BAD: variants seen among roughly 807,000 people sequenced by gnomAD.
The protein encoded by BAD is bcl2-associated agonist of cell death.
A neutral mutation model predicts 17.8 loss-of-function variants in BAD; 18 were observed. The ratio of observed to expected loss-of-function variants is 1.01; its 90% CI spans 0.70 to 1.50. The LOEUF (loss-of-function observed/expected upper bound fraction) is 1.50, where lower values mean the gene tolerates loss of function less well. BAD is among the 40% of genes most tolerant of loss of function. The pLI, the probability that BAD is intolerant of heterozygous loss-of-function variation, is 0.00. For synonymous variants in BAD, 112 were observed against 91.5 expected (o/e 1.22, Z -1.28); for missense variants, 294 against 239.3 (o/e 1.23, Z -1.51).
intron 2 of BAD, among the ~76,000 whole-genome samples, chr11:64,273,038 C>T (rs2032756643): frequency 6.6e-6 from 1 of 152,092 alleles, no homozygotes; most frequent in Middle Eastern, 3.2e-3. Flanking sequence ...CCAGCCTAGG[C>T]AACATTGCAA....
intron 2 of BAD, among the ~76,000 whole-genome samples, chr11:64,283,652 G>A (rs1844669782): frequency 6.6e-6 from 1 of 152,222 alleles, no homozygotes; most frequent in South Asian, 2.1e-4. Flanking sequence ...GTAGCCTGGG[G>A]CAGGGCACCA....
rs1565342778 is a variant in BAD, at chr11:64,270,004, T to C, written c.*205A>G. The C allele has an allele frequency of 9.1e-6, 9 of 984,050 alleles. No homozygotes were observed. The highest frequency in any genetic ancestry group is 2.6e-5 in the East Asian group (1 of 38,356). 61.0% of individuals were successfully genotyped at this position (984,050 alleles called of 1,614,324 possible). A position where few individuals can be genotyped will look rare whatever the true frequency, so the allele number is the denominator to read the frequency against. On this transcript the variant is annotated 3_prime_UTR_variant, in exon 4 of 4. Coordinates refer to ENST00000309032, the MANE Select transcript of BAD (RefSeq NM_032989.3). ...GCCACGGAGCCACTTCCGGCGGCTG[T>C]GGGCGGAAAACCCAAAACTTCCGAT...
intron 2 of BAD, chr11:64,276,713 GGGGCAGGGCCTGGGCCAGA>G: frequency 1.8e-6 from 1 of 559,756 alleles, no homozygotes; most frequent in Non-Finnish European, 3.2e-6. Context: ...GGAGAGGGCT[GGGGCAGGGCCTGGGCCAGA>G]CTCTCCCTTC....
rs1285138852 is a variant in BAD, at chr11:64,274,844, G to T, written c.188-3041C>A. ...TCAAAAAAAAAAAGAAACTAGCCAG[G>T]CATGGTGGTGTGGGCCTGTAGTCCC... On this transcript the variant is annotated intron_variant, in intron 2 of 3. Coordinates refer to ENST00000309032, the MANE Select transcript of BAD (RefSeq NM_032989.3). Among the ~76,000 whole-genome samples, 3 of 151,660 alleles carry T rather than the reference G, an allele frequency of 2.0e-5. No individual in the cohort carries two copies. The East Asian group carries it at 5.8e-4, about 29-fold the overall frequency.
At chr11:64,283,939 C>T (rs912253735) in intron 2 of BAD, among the ~76,000 whole-genome samples, 5 of 152,200 alleles carry the variant, frequency 3.3e-5, no homozygotes, top group African/African-American at 1.2e-4. Flanking sequence ...CCGGCAGCAA[C>T]CATTTTTTAG....
Position 64,284,338 on chromosome 11 carries a change from C to T in BAD, c.31G>A (p.Glu11Lys), listed in dbSNP as rs1298135429. MFQIPEFEPS[E>K]QEDSSSAERG... ...TCTGCAGAGCTGGAGTCTTCCTGCT[C>T]ACTCGGCTCAAACTCTGGGATCTGG... Residue 11 changes from glutamate (E) to lysine (K), a missense_variant, in exon 2 of 4, where the codon GAG becomes AAG. Transcript: ENST00000309032. 4.3e-6 allele frequency: 7 copies of T among 1,612,992 alleles called. No individual in the cohort carries two copies. The highest frequency in any genetic ancestry group is 5.9e-6 in the Non-Finnish European group (7 of 1,179,970).
intron 2 of BAD, among the ~76,000 whole-genome samples, chr11:64,273,685 G>A (rs1228773436): frequency 6.6e-6 from 1 of 151,598 alleles, no homozygotes; most frequent in Admixed American, 6.6e-5. Context: ...TTTAAGACCA[G>A]ACTGACCAAG....
At chr11:64,279,212 C>T (rs2033263920) in intron 2 of BAD, among the ~76,000 whole-genome samples, 1 of 152,176 alleles carries the variant, frequency 6.6e-6, no homozygotes, top group African/African-American at 2.4e-5. Context: ...ATAACTCCAT[C>T]CCAAGCTTCC....
intron 2 of BAD, among the ~76,000 whole-genome samples, chr11:64,281,194 C>G (rs914035653): frequency 6.6e-6 from 1 of 152,078 alleles, no homozygotes; most frequent in Non-Finnish European, 1.5e-5. Flanking sequence ...TCTCTATCTC[C>G]TGACCTCATG....
intron 2 of BAD, chr11:64,276,319 T>TAC (rs1565347828): frequency 6.6e-6 from 1 of 152,076 alleles, no homozygotes; most frequent in Non-Finnish European, 1.5e-5. Context: ...TGTGTGTATA[T>TAC]ATATATATAT....
At chr11:64,271,381 TCACACA>T (rs58303026) in intron 3 of BAD, among the ~76,000 whole-genome samples, 14 of 60,200 alleles carry the variant, frequency 2.3e-4, no homozygotes, top group Non-Finnish European at 3.3e-4. Flanking sequence ...GCCCTGTGAC[TCACACA>T]CACACACACA....
intron 2 of BAD, chr11:64,275,778 G>C (rs1232199549): frequency 6.6e-6 from 1 of 151,974 alleles, no homozygotes; most frequent in Non-Finnish European, 1.5e-5. Context: ...CTTGCACCCA[G>C]GCACTTGGCC....
At chr11:64,272,729 T>G (rs1031237062) in intron 2 of BAD, 1 of 152,242 alleles carries the variant, frequency 6.6e-6, no homozygotes, top group Non-Finnish European at 1.5e-5. Context: ...CCAGTTTCTG[T>G]GAAGCTGTGG....
chr11:64,279,149 C>T (rs1164432846), intron 2 of BAD, among the ~76,000 whole-genome samples: 10 of 152,250 alleles, frequency 6.6e-5, no homozygotes, highest in African/African-American at 2.4e-4. Flanking sequence ...TCTTGTCCCA[C>T]TCTCCCCTCA....
chr11:64,270,831 G>A (rs192963740), intron 3 of BAD, among the ~76,000 whole-genome samples: 1 of 152,074 alleles, frequency 6.6e-6, no homozygotes, highest in African/African-American at 2.4e-5. Context: ...GGTCTTCCAA[G>A]AATTCGGGGA....
chr11:64,270,941 T>G (rs1317980515), intron 3 of BAD, among the ~76,000 whole-genome samples: 1 of 67,510 alleles, frequency 1.5e-5, no homozygotes, highest in Non-Finnish European at 2.9e-5. Flanking sequence ...ACGCCTGGAG[T>G]GGGATCTAGA....
At chr11:64,284,129 C>A in intron 2 of BAD, 53 bp downstream of exon 2, 1 of 1,512,810 alleles carries the variant, frequency 6.6e-7, no homozygotes, top group East Asian at 2.3e-5. Flanking sequence ...ATGCAGGGAG[C>A]CAGTGGGCTG....
chr11:64,271,718 G>A lies in BAD; in HGVS notation c.273C>T (p.Ser91=). 6.8e-7 allele frequency: 1 copy of A among 1,461,124 alleles called. No homozygotes were observed. The highest frequency in any genetic ancestry group is 9.0e-7 in the Non-Finnish European group (1 of 1,106,954). The allele number at this position is 1,461,124 out of a possible 1,614,324, so 90.5% of individuals were successfully genotyped here. Residue 91 remains serine, a synonymous_variant, in exon 3 of 4, where the codon AGC becomes AGT. Transcript: ENST00000309032. The stretch of plus-strand genomic sequence containing the variant: ...CCGAGCGCGAGCGGCCCCGAAAGGG[G>A]CTGGGCTCCTCCCCCATCCCTTCGT... ...EDDEGMGEEP[S]PFRGRSRSAP...
Position 64,271,728 on chromosome 11 carries a change from TC to T in BAD, c.262del (p.Glu88ArgfsTer30). 1 of 1,445,164 alleles carries T rather than the reference TC, an allele frequency of 6.9e-7. No homozygotes were observed. 89.5% of individuals were successfully genotyped at this position (1,445,164 alleles called of 1,614,324 possible). A position where few individuals can be genotyped will look rare whatever the true frequency, so the allele number is the denominator to read the frequency against. On this transcript the variant is annotated frameshift_variant, in exon 3 of 4. Transcript: ENST00000309032. LOFTEE classifies it high-confidence loss of function. The stretch of plus-strand genomic sequence containing the variant: ...GCGGCCCCGAAAGGGGCTGGGCTCC[TC>T]CCCCATCCCTTCGTCGTCCTCCGTC... ...AGTEDDEGMG[E>X]EPSPFRGRSR...
Sources: gnomAD v4.1 joint callset for allele counts (sites outside exome capture counted in the v4.1 genomes callset) on GRCh38, gnomAD v4.1.1 for gene constraint, MANE v1.5 for transcripts, NCBI Gene and HGNC (gene_info 2026-07-23, HGNC 2026-07-21) for gene names.